Variants in PCCB observed in about 807,000 individuals in gnomAD.
PCCB encodes propionyl-CoA carboxylase subunit beta, also known as propionyl-CoA carboxylase beta chain, mitochondrial.
A neutral mutation model predicts 60.7 loss-of-function variants in PCCB; 43 were observed. The observed-to-expected ratio is 0.71, with a 90% CI of 0.55 to 0.91. PCCB has a LOEUF of 0.91. PCCB is among the 40% of genes least tolerant of loss of function. PCCB has a pLI of 0.00. For synonymous variants in PCCB, 276 were observed against 255.9 expected (o/e 1.08, Z -0.75); for missense variants, 766 against 702.8 (o/e 1.09, Z -1.02).
chr3:136,272,873 C>T (rs140310478), intron 5 of PCCB, among the ~76,000 whole-genome samples: 3 of 152,026 alleles, frequency 2.0e-5, no homozygotes, highest in East Asian at 3.9e-4. Context: ...GGGTTTAGTT[C>T]GTACCTGTTT....
At chr3:136,301,679 G>A (rs1449000416) in intron 9 of PCCB, among the ~76,000 whole-genome samples, 3 of 152,204 alleles carry the variant, frequency 2.0e-5, no homozygotes, top group East Asian at 1.9e-4. Context: ...CTGTGCTCTC[G>A]GTAGTCCTTG....
At chr3:136,299,463 TGTATAGGTATG>T in intron 8 of PCCB, among the ~76,000 whole-genome samples, 1 of 151,424 alleles carries the variant, frequency 6.6e-6, no homozygotes, top group Non-Finnish European at 1.5e-5. Flanking sequence ...TGCATGTGTA[TGTATAGGTATG>T]CATGTGTATG....
chr3:136,254,445 C>T (rs1268514077), intron 1 of PCCB, among the ~76,000 whole-genome samples: 1 of 148,052 alleles, frequency 6.8e-6, no homozygotes, highest in Non-Finnish European at 1.5e-5. Context: ...TGGTCTCGAT[C>T]TCCTGACCTC....
chr3:136,251,471 TAAAGTG>T (rs1941514305), intron 1 of PCCB, among the ~76,000 whole-genome samples: 1 of 152,136 alleles, frequency 6.6e-6, no homozygotes, highest in African/African-American at 2.4e-5. Context: ...GATGGGGTCT[TAAAGTG>T]AGGAGATTTG....
chr3:136,278,924 C>G lies in PCCB; in HGVS notation c.544-4913C>G, dbSNP rs115888774. Among the ~76,000 whole-genome samples the G allele has an allele frequency of 5.1e-3, 777 of 152,232 alleles. 3 individuals are homozygous for G. The highest frequency in any genetic ancestry group is 7.8e-3 in the Admixed American group (119 of 15,278). On this transcript the variant is annotated intron_variant, in intron 5 of 14. Transcript: ENST00000251654. ...ACTATTATTGTGCACCTATTTCTCC[C>G]CACAATTCTGTTAACTTTTGCTTTG...
intron 6 of PCCB, among the ~76,000 whole-genome samples, chr3:136,285,891 A>T (rs1202072612): frequency 1.3e-5 from 2 of 152,352 alleles, no homozygotes; most frequent in Non-Finnish European, 2.9e-5. Context: ...ACCATTCTAC[A>T]TCTTAAATAT....
intron 10 of PCCB, chr3:136,326,526 G>A (rs769177502): frequency 3.1e-5 from 20 of 649,394 alleles, no homozygotes; most frequent in Admixed American, 7.1e-5. Context: ...GGCTCCCTGC[G>A]GCAAGGCCGG....
At chr3:136,296,424 T>C (rs1184420734) in intron 7 of PCCB, among the ~76,000 whole-genome samples, 2 of 152,258 alleles carry the variant, frequency 1.3e-5, no homozygotes, top group Non-Finnish European at 2.9e-5. Context: ...TCATCCATGT[T>C]GTATCATGAA....
chr3:136,257,890 G>A (rs187394118), intron 3 of PCCB, among the ~76,000 whole-genome samples: 2 of 152,120 alleles, frequency 1.3e-5, no homozygotes, highest in African/African-American at 4.8e-5. Flanking sequence ...CCGAGTTTGC[G>A]CCACTGCACT....
At chr3:136,310,258 G>T (rs1934609595) in intron 9 of PCCB, among the ~76,000 whole-genome samples, 1 of 152,168 alleles carries the variant, frequency 6.6e-6, no homozygotes. Context: ...CGCTACTCGG[G>T]AGGCTGAGGC....
rs1560017781 is a variant in PCCB, at chr3:136,297,979, A to G, written c.791A>G (p.Asp264Gly). 4.3e-6 allele frequency: 7 copies of G among 1,614,134 alleles called. No homozygotes were observed. The highest frequency in any genetic ancestry group is 5.9e-6 in the Non-Finnish European group (7 of 1,179,968). Residue 264 changes from aspartate (D) to glycine (G), a missense_variant, in exon 8 of 15, where the codon GAT becomes GGT. Coordinates refer to ENST00000251654, the MANE Select transcript of PCCB (RefSeq NM_000532.5). ...SGVAHRAFENDVDALCNLRDF... is the reference protein window; with the variant it reads ...SGVAHRAFENGVDALCNLRDF... ...GTGGCCCACAGAGCTTTTGAAAATG[A>G]TGTTGATGCCTTGTGTAATCTCCGG...
rs1256910176 is a variant in PCCB at position 136,302,537 on chromosome 3, GTTTTA to G, written c.966+1435_966+1439del. The stretch of plus-strand genomic sequence containing the variant: ...AATTTTTTTCTGTCATTTATTTAGG[GTTTTA>G]TTTTATTTATTTATTTTTATTTTAT... On this transcript the variant is annotated intron_variant, in intron 9 of 14. Transcript: ENST00000251654. Among the ~76,000 whole-genome samples, 7 of 119,608 alleles carry G rather than the reference GTTTTA, an allele frequency of 5.9e-5. 1 individual carries two copies. Among genetic ancestry groups the G allele is most frequent in the Non-Finnish European group, 5.6e-5 (3 of 53,866 alleles). The allele number at this position is 119,608 out of a possible 152,430, so 78.5% of individuals were successfully genotyped here. A position where few individuals can be genotyped will look rare whatever the true frequency, so the allele number is the denominator to read the frequency against.
intron 5 of PCCB, among the ~76,000 whole-genome samples, chr3:136,263,662 T>G (rs1175270543): frequency 6.6e-6 from 1 of 152,150 alleles, no homozygotes; most frequent in East Asian, 1.9e-4. Context: ...TATTGATACC[T>G]CCACTCACTT....
intron 9 of PCCB, among the ~76,000 whole-genome samples, chr3:136,312,800 TA>T (rs1320531954): frequency 6.6e-6 from 1 of 152,068 alleles, no homozygotes; most frequent in Non-Finnish European, 1.5e-5. Context: ...CAAAAAACTA[TA>T]AATAAAATCA....
intron 5 of PCCB, among the ~76,000 whole-genome samples, chr3:136,264,926 T>TG (rs1018981159): frequency 2.1e-5 from 3 of 143,002 alleles, no homozygotes; most frequent in African/African-American, 7.8e-5. Context: ...CCGGGCACGG[T>TG]GGCTCATGCC....
At chr3:136,283,997 C>T (rs761709877) in intron 6 of PCCB, 50 bp downstream of exon 6, 4 of 1,104,132 alleles carry the variant, frequency 3.6e-6, no homozygotes, top group Non-Finnish European at 5.6e-6. Flanking sequence ...TGTGCAGTTC[C>T]TTACCTGCAA....
rs767511434 is a variant in PCCB, at chr3:136,327,735, G to A, written c.1398+3G>A. On this transcript the variant is annotated splice_donor_region_variant and intron_variant, in intron 13 of 14. Coordinates refer to ENST00000251654, the MANE Select transcript of PCCB (RefSeq NM_000532.5). ...AGATTGCAGTCATGGGAGCAAAGGT[G>A]AGGGCCTCTTGCTTTTCCCTTTCTG... 1 of 1,609,546 alleles carries A rather than the reference G, an allele frequency of 6.2e-7. No individual in the cohort carries two copies. The highest frequency in any genetic ancestry group is 1.7e-5 in the Admixed American group (1 of 60,026).
Position 136,263,460 on chromosome 3 carries a change from C to T in PCCB, c.543+1395C>T, listed in dbSNP as rs527466299. Reference sequence around the variant, plus strand: ...TTTTTTTGTATTTTTTTTATAGAGGCGGGGTTTTGCCATGCTGCGCAGGCT... The same window carrying T: ...TTTTTTTGTATTTTTTTTATAGAGGTGGGGTTTTGCCATGCTGCGCAGGCT... On this transcript the variant is annotated intron_variant, in intron 5 of 14. Coordinates refer to ENST00000251654, the MANE Select transcript of PCCB (RefSeq NM_000532.5). 3.3e-5 allele frequency among the ~76,000 whole-genome samples: 5 copies of T among 151,234 alleles called. No individual in the cohort carries two copies. The East Asian group carries it at 5.9e-4, about 18-fold the overall frequency.
chr3:136,328,076 T>C lies in PCCB; in HGVS notation c.1398+344T>C, dbSNP rs116321808. Among the ~76,000 whole-genome samples the C allele has an allele frequency of 2.3e-3, 353 of 152,214 alleles. 3 individuals are homozygous for C. The highest frequency in any genetic ancestry group is 4.3e-3 in the Non-Finnish European group (292 of 68,000). ...AGTCACCTTCAGAAGTATTGGACAT[T>C]CTCCCAGCTCCACCTCAGCTTCCAG... On this transcript the variant is annotated intron_variant, in intron 13 of 14. Transcript: ENST00000251654.
Sources: gnomAD v4.1 joint callset for allele counts (sites outside exome capture counted in the v4.1 genomes callset) on GRCh38, gnomAD v4.1.1 for gene constraint, MANE v1.5 for transcripts, NCBI Gene and HGNC (gene_info 2026-07-23, HGNC 2026-07-21) for gene names.